The following GALNT17 variants were observed in gnomAD, a reference collection of about 807,000 sequenced individuals.
The protein encoded by GALNT17 is UDP-GalNAc:polypeptide N-acetylgalactosaminyltransferase-like 3.
In GALNT17, 29 loss-of-function variants were observed where a neutral mutation model predicts 63.7. The ratio of observed to expected loss-of-function variants is 0.46; its 90% CI spans 0.34 to 0.62. The LOEUF is 0.62. Ranked by LOEUF, GALNT17 falls within the 20% of genes least tolerant of loss-of-function variation. The pLI is 0.01. For missense variants in GALNT17, 603 were observed against 799.6 expected (o/e 0.75, Z 2.97); for synonymous variants, 305 against 318.3 (o/e 0.96, Z 0.45).
At chr7:71,210,227 A>C (rs1789351037) in intron 1 of GALNT17, among the ~76,000 whole-genome samples, 1 of 152,166 alleles carries the variant, frequency 6.6e-6, no homozygotes, top group Non-Finnish European at 1.5e-5. Flanking sequence ...CATGGGAAAG[A>C]CTGGCCCCCA....
intron 2 of GALNT17, among the ~76,000 whole-genome samples, chr7:71,377,847 G>A (rs763938384): frequency 2.6e-5 from 4 of 152,068 alleles, no homozygotes; most frequent in African/African-American, 9.7e-5. Context: ...CTCTCCTGCC[G>A]CCTTGTGAAG....
chr7:71,612,808 A>T (rs1790144638), intron 6 of GALNT17, among the ~76,000 whole-genome samples: 1 of 152,220 alleles, frequency 6.6e-6, no homozygotes, highest in African/African-American at 2.4e-5. Context: ...ATTCTCACAC[A>T]TGCAGACATA....
At chr7:71,511,310 T>A (rs1194162207) in intron 5 of GALNT17, among the ~76,000 whole-genome samples, 1 of 151,840 alleles carries the variant, frequency 6.6e-6, no homozygotes, top group African/African-American at 2.4e-5. Flanking sequence ...GAAACCAGGG[T>A]GCCTGGAGTG....
intron 1 of GALNT17, among the ~76,000 whole-genome samples, chr7:71,143,045 A>T (rs182851975): frequency 1.3e-5 from 2 of 152,202 alleles, no homozygotes; most frequent in East Asian, 3.9e-4. Context: ...TTAAACAAGA[A>T]CACTTAGAAA....
chr7:71,544,941 A>T (rs976748081), intron 5 of GALNT17, among the ~76,000 whole-genome samples: 2 of 152,104 alleles, frequency 1.3e-5, no homozygotes, highest in African/African-American at 4.8e-5. Flanking sequence ...CGTTAGATAA[A>T]TTAAACTTGA....
At chr7:71,628,760 G>A (rs559288570) in intron 6 of GALNT17, among the ~76,000 whole-genome samples, 2 of 151,820 alleles carry the variant, frequency 1.3e-5, no homozygotes, top group South Asian at 2.1e-4. Flanking sequence ...GTGAAACCGC[G>A]TCTCTACTCA....
At chr7:71,307,118 CT>C (rs1791318917) in intron 1 of GALNT17, among the ~76,000 whole-genome samples, 2 of 152,192 alleles carry the variant, frequency 1.3e-5, no homozygotes, top group South Asian at 2.1e-4. Context: ...GCCACCACCC[CT>C]GGTCCCTGCT....
At chr7:71,308,453 G>A (rs1262694184) in intron 1 of GALNT17, among the ~76,000 whole-genome samples, 1 of 152,168 alleles carries the variant, frequency 6.6e-6, no homozygotes, top group African/African-American at 2.4e-5. Flanking sequence ...GGAGTAGGGA[G>A]GGAATGAATA....
chr7:71,405,968 T>C (rs1793321237), intron 3 of GALNT17, among the ~76,000 whole-genome samples: 2 of 152,154 alleles, frequency 1.3e-5, no homozygotes, highest in Admixed American at 1.3e-4. Flanking sequence ...TTAAGAGGTA[T>C]GAAGGAATTG....
intron 10 of GALNT17, 120 bp downstream of exon 10, chr7:71,711,048 C>T: frequency 7.4e-7 from 1 of 1,342,512 alleles, no homozygotes; most frequent in Non-Finnish European, 1.0e-6. Context: ...CCAGGTCTCC[C>T]TGCCCCGGGC....
chr7:71,662,432 G>A (rs891042991), intron 6 of GALNT17, among the ~76,000 whole-genome samples: 14 of 151,982 alleles, frequency 9.2e-5, no homozygotes, highest in African/African-American at 3.4e-4. Context: ...TTTAAAATGT[G>A]CCACTCAATG....
intron 3 of GALNT17, among the ~76,000 whole-genome samples, chr7:71,399,325 C>G (rs1793196999): frequency 6.6e-6 from 1 of 152,192 alleles, no homozygotes. Flanking sequence ...TTATTCTGGT[C>G]TGTCCATTTT....
chr7:71,712,006 GC>G lies in GALNT17; in HGVS notation c.1669-7del. ...TCTCTTCTCCTCTCTTCTCGATTTT[GC>G]CCCCTCCCAGAATGGAGCCATCATG... On this transcript the variant is annotated splice_polypyrimidine_tract_variant and intron_variant, in intron 10 of 10. Coordinates refer to ENST00000333538, the MANE Select transcript of GALNT17 (RefSeq NM_022479.3). 6.2e-7 allele frequency: 1 copy of G among 1,611,554 alleles called. No individual in the cohort carries two copies. The highest frequency in any genetic ancestry group is 8.5e-7 in the Non-Finnish European group (1 of 1,179,044).
intron 2 of GALNT17, among the ~76,000 whole-genome samples, chr7:71,376,657 A>G (rs946072898): frequency 6.6e-6 from 1 of 151,666 alleles, no homozygotes; most frequent in Admixed American, 6.6e-5. Flanking sequence ...TTGAGGGTAA[A>G]AGAAGAAAAT....
Position 71,420,986 on chromosome 7 carries a change from C to T in GALNT17, c.843C>T (p.Asp281=). The change falls in exon 5 of 11, where the codon GAC becomes GAT. Residue 281 remains aspartate (D), a synonymous_variant. Coordinates refer to ENST00000333538, the MANE Select transcript of GALNT17 (RefSeq NM_022479.3). ...CCTCCATTGACAACATCAAACAGGA[C>T]AACTTTGAGGTGCAGCGGTACGAGA... ...ILPSIDNIKQ[D]NFEVQRYENS... is the part of the protein sequence containing the mutation. 2 of 1,614,160 alleles carry T rather than the reference C, an allele frequency of 1.2e-6. No homozygotes were observed. Among genetic ancestry groups the T allele is most frequent in the Middle Eastern group, 1.6e-4 (1 of 6,062 alleles).
intron 9 of GALNT17, among the ~76,000 whole-genome samples, chr7:71,710,162 G>A (rs923820119): frequency 5.3e-5 from 8 of 152,088 alleles, no homozygotes; most frequent in African/African-American, 1.7e-4. Context: ...CCTTCTCCCC[G>A]ATGTTGCTGA....
intron 5 of GALNT17, among the ~76,000 whole-genome samples, chr7:71,543,835 C>T (rs1353945373): frequency 6.6e-6 from 1 of 151,220 alleles, no homozygotes; most frequent in African/African-American, 2.4e-5. Context: ...TTCTGTTGCC[C>T]AGGCTAGAGT....
chr7:71,406,280 C>T (rs1220497268), intron 3 of GALNT17, among the ~76,000 whole-genome samples: 2 of 152,160 alleles, frequency 1.3e-5, no homozygotes, highest in African/African-American at 4.8e-5. Flanking sequence ...TCTGCCTCCC[C>T]AGTTGGTATT....
intron 5 of GALNT17, among the ~76,000 whole-genome samples, chr7:71,430,027 G>A (rs1269273448): frequency 6.6e-6 from 1 of 151,948 alleles, no homozygotes; most frequent in African/African-American, 2.4e-5. Flanking sequence ...AAAAATGTTT[G>A]TAAAGTCAGG....
Sources: gnomAD v4.1 joint callset for allele counts (sites outside exome capture counted in the v4.1 genomes callset) on GRCh38, gnomAD v4.1.1 for gene constraint, MANE v1.5 for transcripts, NCBI Gene and HGNC (gene_info 2026-07-23, HGNC 2026-07-21) for gene names.